Variants in NMU observed in about 807,000 individuals in gnomAD.
The protein encoded by NMU is neuromedin U.
Under a neutral mutation model 35.4 loss-of-function variants are expected in NMU, and 29 were observed. That is an observed-to-expected ratio of 0.82 (90% CI 0.61 to 1.12). The LOEUF is 1.12. NMU is among the 50% of genes most tolerant of loss of function. NMU has a pLI of 0.00. For synonymous variants in NMU, 78 were observed against 81.3 expected (o/e 0.96, Z 0.22); for missense variants, 199 against 206.2 (o/e 0.97, Z 0.21).
intron 2 of NMU, among the ~76,000 whole-genome samples, chr4:55,629,915 T>C (rs1427491307): frequency 6.6e-6 from 1 of 152,148 alleles, no homozygotes; most frequent in Non-Finnish European, 1.5e-5. Context: ...CTTGTTCTGG[T>C]TTTCTTTTAT....
At chr4:55,609,283 C>A in intron 3 of NMU, 104 bp from the exon 4 acceptor site, 1 of 832,436 alleles carries the variant, frequency 1.2e-6, no homozygotes, top group Non-Finnish European at 2.1e-6. Context: ...TGCTAACTAC[C>A]TGGAAAAGAA....
At chr4:55,595,453 G>A (rs1400376418) in intron 9 of NMU, 42 bp from the exon 10 acceptor site, 10 of 150,420 alleles carry the variant, frequency 6.6e-5, no homozygotes, top group Admixed American at 2.0e-4. Flanking sequence ...AAATGACCAC[G>A]TGAATGTGTG....
intron 1 of NMU, among the ~76,000 whole-genome samples, chr4:55,633,818 G>A (rs62308713): frequency 0.25 from 37,963 of 152,130 alleles, 5,692 homozygotes; most frequent in South Asian, 0.4. Flanking sequence ...GCCTGGGCAG[G>A]AAAAGACACT....
At chr4:55,618,604 CCTT>C (rs369539946) in intron 2 of NMU, among the ~76,000 whole-genome samples, 121 of 151,512 alleles carry the variant, frequency 8.0e-4, no homozygotes, top group African/African-American at 2.7e-3. Flanking sequence ...TCTTTCTTCT[CCTT>C]CTTTTCTCTC....
rs138198330 is a variant in NMU at position 55,630,565 on chromosome 4, C to A, written c.113-105G>T. The A allele has an allele frequency of 2.6e-4, 211 of 810,458 alleles. 1 individual carries two copies. The African/African-American group carries it at 2.6e-3, about 10-fold the overall frequency. The allele number at this position is 810,458 out of a possible 1,614,324, so 50.2% of individuals were successfully genotyped here. On this transcript the variant is annotated intron_variant, in intron 1 of 9. Transcript: ENST00000264218. The stretch of plus-strand genomic sequence containing the variant: ...CACACTTTCTTCATTTTTCACTGTA[C>A]ATCATCACCCACCTATTTCAATATT...
At position 55,595,623 on chromosome 4, in the gene NMU, GTATATA is replaced by G. The variant is rs150284330; in HGVS notation, c.*5-218_*5-213del. ...AAGAAATATATATATGTGTGTGTGT[GTATATA>G]TATATATATATATATTTTTTTTTTT... is the stretch of plus-strand genomic sequence containing the variant. On this transcript the variant is annotated intron_variant, in intron 9 of 9. Transcript: ENST00000264218. Among the ~76,000 whole-genome samples the G allele has an allele frequency of 1.3e-4, 13 of 102,152 alleles. 1 individual carries two copies. Among genetic ancestry groups the G allele is most frequent in the East Asian group, 5.4e-4 (2 of 3,692 alleles). 67.0% of individuals were successfully genotyped at this position (102,152 alleles called of 152,430 possible). A position where few individuals can be genotyped will look rare whatever the true frequency, so the allele number is the denominator to read the frequency against.
At chr4:55,608,482 TAA>T in intron 4 of NMU, among the ~76,000 whole-genome samples, 1 of 152,300 alleles carries the variant, frequency 6.6e-6, no homozygotes, top group African/African-American at 2.4e-5. Flanking sequence ...CACCACAGAT[TAA>T]GTTAGAATTG....
intron 7 of NMU, among the ~76,000 whole-genome samples, chr4:55,604,019 A>ATATATATG: frequency 2.9e-5 from 4 of 139,802 alleles, no homozygotes; most frequent in African/African-American, 7.8e-5. Flanking sequence ...ATATATGTGT[A>ATATATATG]TATATATAAT....
chr4:55,624,912 G>A (rs1459488240), intron 2 of NMU, among the ~76,000 whole-genome samples: 2 of 41,390 alleles, frequency 4.8e-5, no homozygotes, highest in Non-Finnish European at 1.0e-4. Flanking sequence ...GTAAACTATC[G>A]CAAGAACAAA....
intron 2 of NMU, among the ~76,000 whole-genome samples, chr4:55,618,112 T>C (rs1165627920): frequency 1.3e-5 from 2 of 152,206 alleles, no homozygotes; most frequent in South Asian, 2.1e-4. Flanking sequence ...GTACAGACCA[T>C]TGGTAAATCT....
At chr4:55,609,466 C>A (rs1277264813) in intron 3 of NMU, among the ~76,000 whole-genome samples, 1 of 151,972 alleles carries the variant, frequency 6.6e-6, no homozygotes, top group African/African-American at 2.4e-5. Context: ...TCAGCACTTG[C>A]TAAAATATTA....
intron 2 of NMU, among the ~76,000 whole-genome samples, chr4:55,624,267 A>C (rs1734431533): frequency 1.2e-5 from 1 of 84,234 alleles, no homozygotes; most frequent in Non-Finnish European, 2.5e-5. Context: ...CAACCTACTC[A>C]TCTGACAAAG....
chr4:55,624,127 A>G (rs1262069465), intron 2 of NMU, among the ~76,000 whole-genome samples: 1 of 150,632 alleles, frequency 6.6e-6, no homozygotes, highest in Non-Finnish European at 1.5e-5. Context: ...TTCATGACTA[A>G]ACACCAAAAG....
chr4:55,631,096 T>C (rs1734735987), intron 1 of NMU, among the ~76,000 whole-genome samples: 1 of 152,066 alleles, frequency 6.6e-6, no homozygotes, highest in South Asian at 2.1e-4. Context: ...CCCTATTCAA[T>C]AAATGGTGCT....
chr4:55,597,154 A>G (rs781321278), intron 9 of NMU, among the ~76,000 whole-genome samples: 2 of 152,028 alleles, frequency 1.3e-5, no homozygotes, highest in Non-Finnish European at 2.9e-5. Flanking sequence ...TTACATTAAT[A>G]TTTATAAATA....
intron 2 of NMU, among the ~76,000 whole-genome samples, chr4:55,626,772 C>T (rs1408814136): frequency 6.6e-6 from 1 of 152,102 alleles, no homozygotes; most frequent in Non-Finnish European, 1.5e-5. Flanking sequence ...CCATGTAGTC[C>T]TTTGCTGAAA....
intron 2 of NMU, among the ~76,000 whole-genome samples, chr4:55,625,239 C>T (rs189468606): frequency 7.1e-6 from 1 of 141,838 alleles, no homozygotes; most frequent in African/African-American, 2.6e-5. Context: ...ATCTTAACTT[C>T]TTTAAATATA....
At chr4:55,603,296 G>C (rs1733501597) in intron 7 of NMU, among the ~76,000 whole-genome samples, 1 of 151,896 alleles carries the variant, frequency 6.6e-6, no homozygotes, top group Admixed American at 6.6e-5. Context: ...TCAGGCGTGA[G>C]CCACTGCGCC....
intron 2 of NMU, among the ~76,000 whole-genome samples, chr4:55,618,370 GC>G (rs1198458509): frequency 2.0e-5 from 3 of 151,024 alleles, no homozygotes; most frequent in African/African-American, 7.3e-5. Flanking sequence ...CCCTCCCCTT[GC>G]CCCCCAACAC....
Sources: gnomAD v4.1 joint callset for allele counts (sites outside exome capture counted in the v4.1 genomes callset) on GRCh38, gnomAD v4.1.1 for gene constraint, MANE v1.5 for transcripts, NCBI Gene and HGNC (gene_info 2026-07-23, HGNC 2026-07-21) for gene names.